The following TTLL8 variants were observed in gnomAD, a reference collection of about 807,000 sequenced individuals.
The protein encoded by TTLL8 is protein monoglycylase TTLL8.
TTLL8 carries 65 observed loss-of-function variants against 77.8 expected under a neutral mutation model. That is an observed-to-expected ratio of 0.84 (90% CI 0.68 to 1.03). The LOEUF is 1.03. TTLL8 is among the 50% of genes least tolerant of loss of function. TTLL8 has a pLI of 0.00. For missense variants in TTLL8, 910 were observed against 1,004.5 expected (o/e 0.91, Z 1.27); for synonymous variants, 402 against 422.8 (o/e 0.95, Z 0.60).
chr22:50,024,487 C>G (rs1050360688), intron 12 of TTLL8, among the ~76,000 whole-genome samples: 3 of 152,180 alleles, frequency 2.0e-5, no homozygotes, highest in Non-Finnish European at 4.4e-5. Context: ...GTTGAAACAG[C>G]ATAAATAATC....
At chr22:50,025,190 C>A (rs1028554187) in intron 12 of TTLL8, among the ~76,000 whole-genome samples, 1 of 151,574 alleles carries the variant, frequency 6.6e-6, no homozygotes, top group Non-Finnish European at 1.5e-5. Flanking sequence ...ATACCGCATG[C>A]CTGCATCATC....
upstream of TTLL8, among the ~76,000 whole-genome samples, chr22:50,055,698 T>G (rs1379529074): frequency 6.7e-6 from 1 of 148,680 alleles, no homozygotes; most frequent in Non-Finnish European, 1.5e-5. Flanking sequence ...GAGGCTGACA[T>G]GAAATGGCAT....
chr22:50,045,324 T>C (rs761883811), exon 6 of TTLL8: 13 of 1,365,386 alleles, frequency 9.5e-6, no homozygotes, highest in Non-Finnish European at 1.3e-5. Context: ...CTGCTGCTCC[T>C]GCTGCAGCTC....
Position 50,041,814 on chromosome 22 carries a change from C to A in TTLL8, c.644-7G>T. 7.4e-7 allele frequency: 1 copy of A among 1,358,880 alleles called. No homozygotes were observed. Among genetic ancestry groups the A allele is most frequent in the Non-Finnish European group, 9.8e-7 (1 of 1,018,960 alleles). The allele number at this position is 1,358,880 out of a possible 1,614,324, so 84.2% of individuals were successfully genotyped here. On this transcript the variant is annotated splice_region_variant and splice_polypyrimidine_tract_variant and intron_variant, in intron 6 of 13. Coordinates refer to ENST00000266182, the Ensembl canonical transcript of TTLL8. The surrounding 1 kb of genome is among the most constrained non-coding windows in gnomAD (Gnocchi z 4.3). ...GCCTCAGCATTTTCAGCATCTGAAA[C>A]CCAGACACAGGCACATGCAGTGGGA... is the stretch of plus-strand genomic sequence containing the variant.
chr22:50,056,898 G>T (rs1216210487), upstream of TTLL8: 2 of 1,289,734 alleles, frequency 1.6e-6, no homozygotes, highest in South Asian at 2.5e-5. This position sits in a 1 kb window ranked among gnomAD's most constrained non-coding sequence, Gnocchi z 4.1. Context: ...TCCATCTGAA[G>T]AAGAAGCCAA....
upstream of TTLL8, chr22:50,056,968 T>C: frequency 7.8e-7 from 1 of 1,289,630 alleles, no homozygotes; most frequent in African/African-American, 1.5e-5. The surrounding 1 kb of genome is among the most constrained non-coding windows in gnomAD (Gnocchi z 4.1). Flanking sequence ...TTTGCTCCTC[T>C]GACCCCTAGA....
intron 12 of TTLL8, chr22:50,027,553 G>C: frequency 3.9e-6 from 3 of 760,238 alleles, no homozygotes; most frequent in Non-Finnish European, 4.8e-6. Context: ...AAAAAAAAAG[G>C]ATGTCCGTTC....
At chr22:50,057,350 GTTGTGAGTC>G (rs2061478455), upstream of TTLL8, among the ~76,000 whole-genome samples, 1 of 125,114 alleles carries the variant, frequency 8.0e-6, no homozygotes, top group African/African-American at 3.6e-5. Flanking sequence ...TCAGGTCTGG[GTTGTGAGTC>G]AGGTCTGGGT....
At chr22:50,027,906 T>G (rs2061241199) in intron 12 of TTLL8, among the ~76,000 whole-genome samples, 1 of 152,152 alleles carries the variant, frequency 6.6e-6, no homozygotes, top group Non-Finnish European at 1.5e-5. Flanking sequence ...CGGGTTGGAG[T>G]TGTTTGCCAC....
rs2061442756 is a variant in TTLL8, at chr22:50,051,325, T to C, written c.52-1078A>G. 2.0e-5 allele frequency among the ~76,000 whole-genome samples: 3 copies of C among 152,246 alleles called. No homozygotes were observed. In the South Asian group the frequency reaches 6.2e-4, roughly 32 times the overall value. On this transcript the variant is annotated intron_variant, in intron 1 of 13. Transcript: ENST00000266182. ...TCCTGAGTTACTTCGCTTGGAAGAA[T>C]GGCCTTCAGCTCCATCCAGGTTGCT...
intron 1 of TTLL8, among the ~76,000 whole-genome samples, chr22:50,051,945 T>C (rs554560418): frequency 5.3e-5 from 8 of 152,238 alleles, no homozygotes; most frequent in Admixed American, 3.9e-4. Context: ...AAGAAGACCA[T>C]GCCCACACCC....
At chr22:50,039,504 C>T (rs534017036) in intron 8 of TTLL8, among the ~76,000 whole-genome samples, 2 of 152,172 alleles carry the variant, frequency 1.3e-5, no homozygotes, top group Non-Finnish European at 2.9e-5. Context: ...CGAACCTCAA[C>T]CAGGAGAAAT....
upstream of TTLL8, chr22:50,055,269 T>C (rs1442171954): frequency 7.8e-7 from 1 of 1,290,160 alleles, no homozygotes; most frequent in Non-Finnish European, 1.0e-6. Context: ...CTTGCTATTT[T>C]GTATCTGTCT....
chr22:50,022,543 CATCT>C (rs2061210853), intron 12 of TTLL8, among the ~76,000 whole-genome samples: 1 of 152,116 alleles, frequency 6.6e-6, no homozygotes, highest in South Asian at 2.1e-4. Context: ...TGCATTCCTC[CATCT>C]GACAATGTGC....
intron 12 of TTLL8, among the ~76,000 whole-genome samples, chr22:50,026,896 G>C (rs915360517): frequency 6.6e-6 from 1 of 152,090 alleles, no homozygotes; most frequent in East Asian, 1.9e-4. Flanking sequence ...CAAAGAACCC[G>C]GTTAAATGAA....
exon 12 of TTLL8, chr22:50,030,858 G>T: frequency 2.2e-6 from 3 of 1,335,988 alleles, no homozygotes; most frequent in Non-Finnish European, 3.0e-6. Context: ...CTGCCTCCTG[G>T]CTCTCCTCAC....
intron 1 of TTLL8, among the ~76,000 whole-genome samples, chr22:50,053,327 T>C (rs1055154182): frequency 2.0e-5 from 3 of 151,770 alleles, no homozygotes; most frequent in Non-Finnish European, 4.4e-5. Context: ...ACATTGCACA[T>C]AGCACATTCT....
chr22:50,042,738 T>A (rs2061379580), intron 6 of TTLL8, among the ~76,000 whole-genome samples: 1 of 152,186 alleles, frequency 6.6e-6, no homozygotes. Context: ...GAGACTAGCC[T>A]GGGCAACACA....
At position 50,047,254 on chromosome 22, in the gene TTLL8, T is replaced by C. The variant is rs779773376; in HGVS notation, c.307A>G (p.Ile103Val). The stretch of plus-strand genomic sequence containing the variant: ...TGATAGTCAATGATGTCCCTCTTGA[T>C]GGTCCAGAGGAGGTACGGCATCTCA... Residue 103 changes from isoleucine to valine, a missense_variant, in exon 4 of 14, where the codon ATC (isoleucine) becomes GTC (valine). Transcript: ENST00000266182. 53 of 1,367,542 alleles carry C rather than the reference T, an allele frequency of 3.9e-5. 2 individuals are homozygous for C. The South Asian group carries it at 6.0e-4, about 16-fold the overall frequency. The allele number at this position is 1,367,542 out of a possible 1,614,324, so 84.7% of individuals were successfully genotyped here.
Sources: allele counts gnomAD v4.1 joint callset (sites outside exome capture counted in the v4.1 genomes callset), GRCh38; gene constraint gnomAD v4.1.1; non-coding constraint Gnocchi (gnomAD v3.1); transcripts MANE v1.5; gene names NCBI Gene and HGNC (gene_info 2026-07-23, HGNC 2026-07-21).